Variants in KIAA0513 observed in about 807,000 individuals in gnomAD.
KIAA0513 encodes KIAA0513.
A neutral mutation model predicts 56.5 loss-of-function variants in KIAA0513; 39 were observed. The ratio of observed to expected loss-of-function variants is 0.69; its 90% CI spans 0.53 to 0.90. The LOEUF (loss-of-function observed/expected upper bound fraction) is 0.90, where lower values mean the gene tolerates loss of function less well. Among genes scored for constraint, KIAA0513 ranks in the 40% least tolerant of loss-of-function variants. The pLI is 0.00. For synonymous variants in KIAA0513, 268 were observed against 215.6 expected (o/e 1.24, Z -2.13); for missense variants, 591 against 535.2 (o/e 1.10, Z -1.03).
chr16:85,033,403 G>A (rs950867994), intron 1 of KIAA0513, among the ~76,000 whole-genome samples: 2 of 152,220 alleles, frequency 1.3e-5, no homozygotes, highest in African/African-American at 2.4e-5. Context: ...CTTCTTTTGC[G>A]TTTTGCTGCA....
At chr16:85,053,807 C>T (rs1185965457) in intron 1 of KIAA0513, among the ~76,000 whole-genome samples, 3 of 152,088 alleles carry the variant, frequency 2.0e-5, no homozygotes, top group African/African-American at 7.2e-5. Flanking sequence ...TTCTGGCCAA[C>T]ATGGTGAAAC....
chr16:85,060,413 T>C (rs1027382213), intron 1 of KIAA0513, among the ~76,000 whole-genome samples: 2 of 152,298 alleles, frequency 1.3e-5, no homozygotes, highest in African/African-American at 4.8e-5. Flanking sequence ...AGGTGGTGTC[T>C]CGGGGTCCCG....
intron 1 of KIAA0513, among the ~76,000 whole-genome samples, chr16:85,054,812 G>T (rs966979542): frequency 3.3e-5 from 5 of 152,082 alleles, no homozygotes; most frequent in Non-Finnish European, 7.4e-5. Flanking sequence ...CCTTTGGGGA[G>T]GCCTAAAGGG....
At chr16:85,050,459 C>G (rs1326777925) in intron 1 of KIAA0513, among the ~76,000 whole-genome samples, 1 of 151,844 alleles carries the variant, frequency 6.6e-6, no homozygotes, top group Non-Finnish European at 1.5e-5. Context: ...AAGCCATTCT[C>G]CTGCCTCAGC....
intron 1 of KIAA0513, among the ~76,000 whole-genome samples, chr16:85,029,958 A>G (rs750510028): frequency 2.6e-5 from 4 of 152,192 alleles, no homozygotes; most frequent in Non-Finnish European, 5.9e-5. Context: ...GGCACAGTGA[A>G]GTGTTTAACC....
rs761339083 is a variant in KIAA0513 at position 85,086,737 on chromosome 16, G to A, written c.1091+13G>A. 1.9e-5 allele frequency: 31 copies of A among 1,607,100 alleles called. No homozygotes were observed. The East Asian group carries it at 5.2e-4, about 27-fold the overall frequency. ...TCGGGCAGCTGGGGTAAGGGCCAGAGTGGGAAAGCGGGAGGGGAGAGGGGG... is the reference window on the plus strand; with the variant it reads ...TCGGGCAGCTGGGGTAAGGGCCAGAATGGGAAAGCGGGAGGGGAGAGGGGG... On this transcript the variant is annotated intron_variant, in intron 11 of 12. Transcript: ENST00000683363.
chr16:85,070,448 C>T (rs1437311609), intron 2 of KIAA0513, among the ~76,000 whole-genome samples: 2 of 152,108 alleles, frequency 1.3e-5, no homozygotes, highest in Admixed American at 6.5e-5. Flanking sequence ...GGAGGCGAGG[C>T]AGGTGTATCA....
intron 1 of KIAA0513, among the ~76,000 whole-genome samples, chr16:85,032,900 G>C (rs1286687669): frequency 2.6e-5 from 4 of 152,124 alleles, no homozygotes; most frequent in African/African-American, 9.7e-5. Flanking sequence ...AAAGTGCTGG[G>C]ATTACAGGCA....
chr16:85,081,783 C>G lies in KIAA0513; in HGVS notation c.980+391C>G, dbSNP rs748185813. Reference sequence around the variant, plus strand: ...TGGCCACCATCCCCGAGACTGCCCTCGAGAGCTGGCGCCTGGGGAATGCAG... The same window carrying G: ...TGGCCACCATCCCCGAGACTGCCCTGGAGAGCTGGCGCCTGGGGAATGCAG... On this transcript the variant is annotated intron_variant, in intron 9 of 12. Transcript: ENST00000683363. The surrounding 1 kb of genome is among the most constrained non-coding windows in gnomAD (Gnocchi z 4.4). Among the ~76,000 whole-genome samples the G allele has an allele frequency of 7.9e-5, 12 of 152,210 alleles. No individual in the cohort carries two copies. Among genetic ancestry groups the G allele is most frequent in the Non-Finnish European group, 7.3e-5 (5 of 68,038 alleles).
intron 1 of KIAA0513, among the ~76,000 whole-genome samples, chr16:85,055,070 G>A (rs1197481755): frequency 6.6e-6 from 1 of 152,050 alleles, no homozygotes; most frequent in East Asian, 1.9e-4. Flanking sequence ...CTACAGGTGT[G>A]TGGCACCACG....
Position 85,081,883 on chromosome 16 carries a change from C to T in KIAA0513, c.980+491C>T, listed in dbSNP as rs1411036072. 6.6e-6 allele frequency among the ~76,000 whole-genome samples: 1 copy of T among 152,222 alleles called. No homozygotes were observed. Among genetic ancestry groups the T allele is most frequent in the Non-Finnish European group, 1.5e-5 (1 of 68,044 alleles). ...CAGCTTCACCGAGGGCCACCTCGCA[C>T]GTGGCAGAGGGGAGGGGCTGGCACC... On this transcript the variant is annotated intron_variant, in intron 9 of 12. Transcript: ENST00000683363. The surrounding 1 kb of genome is among the most constrained non-coding windows in gnomAD (Gnocchi z 4.4).
intron 1 of KIAA0513, among the ~76,000 whole-genome samples, chr16:85,036,246 C>T (rs1380787865): frequency 6.6e-6 from 1 of 152,184 alleles, no homozygotes; most frequent in Non-Finnish European, 1.5e-5. Context: ...AGTAACTTTA[C>T]TGAGTGATGC....
intron 1 of KIAA0513, among the ~76,000 whole-genome samples, chr16:85,054,238 G>T (rs1258463977): frequency 6.6e-6 from 1 of 152,090 alleles, no homozygotes; most frequent in African/African-American, 2.4e-5. Flanking sequence ...CTTATTGAAA[G>T]AATGTCTTTT....
intron 12 of KIAA0513, 54 bp from the exon 13 acceptor site, chr16:85,088,222 A>G (rs2073831541): frequency 3.3e-6 from 5 of 1,524,714 alleles, no homozygotes; most frequent in Non-Finnish European, 4.5e-6. Context: ...AGCAGGATAT[A>G]CCTGTCCCTG....
chr16:85,029,225 TC>T (rs1027606445), intron 1 of KIAA0513, among the ~76,000 whole-genome samples: 1 of 152,182 alleles, frequency 6.6e-6, no homozygotes, highest in African/African-American at 2.4e-5. Flanking sequence ...AGATTTTTTT[TC>T]CATTAAAGAG....
At chr16:85,087,351 C>G (rs1474019784) in intron 12 of KIAA0513, among the ~76,000 whole-genome samples, 185 bp downstream of exon 12, 1 of 152,212 alleles carries the variant, frequency 6.6e-6, no homozygotes, top group Non-Finnish European at 1.5e-5. Flanking sequence ...CACAGGACAC[C>G]TCTCGTTCCA....
Position 85,081,352 on chromosome 16 carries a change from G to T in KIAA0513, c.940G>T (p.Ala314Ser), listed in dbSNP as rs535486014. 6.3e-7 allele frequency: 1 copy of T among 1,597,466 alleles called. No homozygotes were observed. The highest frequency in any genetic ancestry group is 8.5e-7 in the Non-Finnish European group (1 of 1,171,964). Residue 314 changes from alanine (A) to serine (S), a missense_variant, in exon 9 of 13, where the codon GCT becomes TCT. By Grantham distance (99) the Ala-to-Ser change is moderately conservative. Transcript: ENST00000683363. The surrounding 1 kb of genome is among the most constrained non-coding windows in gnomAD (Gnocchi z 4.4). ...GTTCTGGAATGCAGCCTTTTTTGACGCTGTCCATTGTGAGAGGACAAAGCG... is the reference window on the plus strand; with the variant it reads ...GTTCTGGAATGCAGCCTTTTTTGACTCTGTCCATTGTGAGAGGACAAAGCG... ...LRFWNAAFFDAVHCERTKRSP... is the reference protein window; with the variant it reads ...LRFWNAAFFDSVHCERTKRSP...
At chr16:85,039,181 C>T (rs940638545) in intron 1 of KIAA0513, among the ~76,000 whole-genome samples, 7 of 152,182 alleles carry the variant, frequency 4.6e-5, no homozygotes, top group Admixed American at 3.9e-4. Context: ...ATAGAGGTCA[C>T]GGAATAGTCA....
At position 85,079,015 on chromosome 16, in the gene KIAA0513, C is replaced by T. The variant is rs755586256; in HGVS notation, c.902+12C>T. On this transcript the variant is annotated intron_variant, in intron 8 of 12. Transcript: ENST00000683363. ...CAACAGCCCATCTGGTAAGGCCGAG[C>T]CCGCGGCTTCCCGTCACCCTCTTAC... 1.2e-6 allele frequency: 2 copies of T among 1,614,110 alleles called. No homozygotes were observed. The highest frequency in any genetic ancestry group is 1.7e-6 in the Non-Finnish European group (2 of 1,179,998).
Sources: allele counts gnomAD v4.1 joint callset (sites outside exome capture counted in the v4.1 genomes callset), GRCh38; gene constraint gnomAD v4.1.1; non-coding constraint Gnocchi (gnomAD v3.1); transcripts MANE v1.5; gene names NCBI Gene and HGNC (gene_info 2026-07-23, HGNC 2026-07-21).